Variants in TENT2 observed in about 807,000 individuals in gnomAD.
TENT2 encodes the protein terminal nucleotidyltransferase 2.
Under a neutral mutation model 72.2 loss-of-function variants are expected in TENT2, and 44 were observed. The ratio of observed to expected loss-of-function variants is 0.61; its 90% confidence interval spans 0.48 to 0.78. The LOEUF (loss-of-function observed/expected upper bound fraction) is 0.78. Ranked by LOEUF, TENT2 falls within the 30% of genes least tolerant of loss-of-function variation. The pLI, the probability that TENT2 is intolerant of heterozygous loss-of-function variation, is 0.00. For synonymous variants in TENT2, 212 were observed against 192.5 expected, an observed-to-expected ratio of 1.10 and a Z score of -0.84; for missense variants, 541 against 569.6, an observed-to-expected ratio of 0.95 and a Z score of 0.51.
intron 7 of TENT2, 155 bp downstream of exon 7, chr5:79,643,065 AAAAG>A (rs1785699965): frequency 2.6e-6 from 2 of 770,836 alleles, no homozygotes; most frequent in Non-Finnish European, 1.6e-6. Context: ...CTTTTGATGA[AAAAG>A]AAGAGTGATC....
intron 11 of TENT2, among the ~76,000 whole-genome samples, chr5:79,667,671 C>G (rs947905440): frequency 6.6e-6 from 1 of 152,096 alleles, no homozygotes; most frequent in Non-Finnish European, 1.5e-5. Context: ...TAGTAGTTAA[C>G]AATTATTGAT....
At chr5:79,630,174 T>C (rs1165476655) in intron 4 of TENT2, among the ~76,000 whole-genome samples, 1 of 152,090 alleles carries the variant, frequency 6.6e-6, no homozygotes, top group Non-Finnish European at 1.5e-5. Flanking sequence ...CACAATTTTA[T>C]TTATATAAAT....
chr5:79,614,227 C>T (rs1018904593), intron 1 of TENT2: 20 of 151,156 alleles, frequency 1.3e-4, no homozygotes, highest in African/African-American at 4.4e-4. Flanking sequence ...CTCAGCCTGC[C>T]GAGTAGCTGG....
At chr5:79,652,430 C>T (rs780246594) in intron 10 of TENT2, among the ~76,000 whole-genome samples, 1 of 151,720 alleles carries the variant, frequency 6.6e-6, no homozygotes, top group Non-Finnish European at 1.5e-5. Context: ...AGGTAGGTGC[C>T]AAAATTGTAT....
chr5:79,620,791 C>T (rs1764157802), intron 3 of TENT2, among the ~76,000 whole-genome samples: 1 of 152,142 alleles, frequency 6.6e-6, no homozygotes, highest in Non-Finnish European at 1.5e-5. Context: ...ACAATTATAG[C>T]ATTTTCTTTC....
chr5:79,668,773 G>T, intron 11 of TENT2, 119 bp from the exon 12 acceptor site: 1 of 1,232,958 alleles, frequency 8.1e-7, no homozygotes. Flanking sequence ...TTTCCAAATT[G>T]CCAAATAGAG....
At chr5:79,639,478 T>G (rs1406404773) in intron 4 of TENT2, among the ~76,000 whole-genome samples, 7 of 90,820 alleles carry the variant, frequency 7.7e-5, no homozygotes, top group Non-Finnish European at 1.1e-4. Flanking sequence ...GTGAAGGTGG[T>G]TTTTTTTTTT....
intron 4 of TENT2, among the ~76,000 whole-genome samples, chr5:79,630,604 T>C (rs1397335281): frequency 6.6e-6 from 1 of 151,850 alleles, no homozygotes; most frequent in Non-Finnish European, 1.5e-5. Flanking sequence ...GGGAGACTGC[T>C]TTAGAGAGAG....
intron 13 of TENT2, among the ~76,000 whole-genome samples, chr5:79,681,128 T>TA: frequency 6.6e-6 from 1 of 150,748 alleles, no homozygotes; most frequent in African/African-American, 2.4e-5. Flanking sequence ...TCATGCAAGT[T>TA]ACTTCTTTTT....
At chr5:79,678,967 A>AC (rs1819587644) in intron 12 of TENT2, among the ~76,000 whole-genome samples, 1 of 151,998 alleles carries the variant, frequency 6.6e-6, no homozygotes, top group Non-Finnish European at 1.5e-5. Context: ...GTGCAGTGGC[A>AC]TGACCTCTGC....
chr5:79,684,600 A>T (rs1041663239), intron 14 of TENT2, among the ~76,000 whole-genome samples: 26 of 152,340 alleles, frequency 1.7e-4, no homozygotes, highest in African/African-American at 5.8e-4. Context: ...AAGATGTAAG[A>T]CAGTCAATCA....
intron 1 of TENT2, among the ~76,000 whole-genome samples, chr5:79,618,022 C>T (rs1761755686): frequency 6.6e-6 from 1 of 151,826 alleles, no homozygotes; most frequent in South Asian, 2.1e-4. Flanking sequence ...TAGGTAATGT[C>T]CTGTATTTTT....
In TENT2 at chr5:79,687,655, C is replaced by T. The variant is rs945217232; in HGVS notation, c.*2382C>T. On this transcript the variant is annotated 3_prime_UTR_variant, in exon 15 of 15. Coordinates refer to ENST00000453514, the MANE Select transcript of TENT2 (RefSeq NM_001114394.3). ...CAACCATTCTGCCTCCTCCCTACCC[C>T]CTCCCAAATATTTTTCATCCTGGTT... Among the ~76,000 whole-genome samples, 1 of 152,160 alleles carries T rather than the reference C, an allele frequency of 6.6e-6. No homozygotes were observed. Among genetic ancestry groups the T allele is most frequent in the Admixed American group, 6.5e-5 (1 of 15,268 alleles).
At position 79,623,317 on chromosome 5, in the gene TENT2, A is replaced by G. The variant is rs140086461; in HGVS notation, c.293A>G (p.Gln98Arg). Residue 98 changes from glutamine to arginine, a missense_variant, in exon 4 of 15, where the codon CAA (glutamine) becomes CGA (arginine). Coordinates refer to ENST00000453514, the MANE Select transcript of TENT2 (RefSeq NM_001114394.3). Reference sequence around the variant, plus strand: ...CGGCAACGTTTCCATTCACCCCACCAAGAGCCAACTGTAGTTAACCAGATA... The same window carrying G: ...CGGCAACGTTTCCATTCACCCCACCGAGAGCCAACTGTAGTTAACCAGATA... ...GKRQRFHSPH[Q>R]EPTVVNQIVP... 24 of 1,613,718 alleles carry G rather than the reference A, an allele frequency of 1.5e-5. No individual in the cohort carries two copies. The highest frequency in any genetic ancestry group is 2.0e-5 in the Non-Finnish European group (24 of 1,179,752).
intron 8 of TENT2, among the ~76,000 whole-genome samples, chr5:79,645,718 T>C (rs182989079): frequency 6.6e-6 from 1 of 152,332 alleles, no homozygotes. Flanking sequence ...TGGAATTGTT[T>C]TGTAAATAGA....
At chr5:79,638,160 C>T (rs1032259836) in intron 4 of TENT2, among the ~76,000 whole-genome samples, 4 of 151,918 alleles carry the variant, frequency 2.6e-5, no homozygotes, top group Non-Finnish European at 5.9e-5. Context: ...TTTTTCCTTT[C>T]CCACTTTTAT....
rs1250524514 is a variant in TENT2, at chr5:79,687,673, T to TC, written c.*2402dup. Among the ~76,000 whole-genome samples the TC allele has an allele frequency of 6.6e-6, 1 of 152,222 alleles. No individual in the cohort carries two copies. The highest frequency in any genetic ancestry group is 1.5e-5 in the Non-Finnish European group (1 of 68,036). ...CCTACCCCCTCCCAAATATTTTTCA[T>TC]CCTGGTTGAATTCACAAATCCTACA... is the stretch of plus-strand genomic sequence containing the variant. On this transcript the variant is annotated 3_prime_UTR_variant, in exon 15 of 15. Transcript: ENST00000453514.
At chr5:79,624,375 G>C (rs1185131088) in intron 4 of TENT2, among the ~76,000 whole-genome samples, 1 of 152,138 alleles carries the variant, frequency 6.6e-6, no homozygotes, top group East Asian at 1.9e-4. Flanking sequence ...TCATTCCTTA[G>C]TTGTGCTGCT....
chr5:79,658,297 G>T (rs1799366038), intron 11 of TENT2, among the ~76,000 whole-genome samples: 1 of 151,788 alleles, frequency 6.6e-6, no homozygotes, highest in African/African-American at 2.4e-5. Flanking sequence ...ATGAAAGAAA[G>T]AACAGAAATA....
Sources: allele counts gnomAD v4.1 joint callset (sites outside exome capture counted in the v4.1 genomes callset), GRCh38; gene constraint gnomAD v4.1.1; transcripts MANE v1.5; gene names NCBI Gene and HGNC (gene_info 2026-07-23, HGNC 2026-07-21).